ACTR3C: variants seen among roughly 807,000 people sequenced by gnomAD.
The protein encoded by ACTR3C is actin related protein 3C, also known as actin-related protein 3C.
In ACTR3C, 18 loss-of-function variants were observed where a neutral mutation model predicts 26.3. That is an observed-to-expected ratio of 0.68 (90% CI 0.47 to 1.01). The LOEUF (loss-of-function observed/expected upper bound fraction) is 1.01. Ranked by LOEUF, ACTR3C falls within the 50% of genes least tolerant of loss-of-function variation. ACTR3C has a pLI of 0.00. For synonymous variants in ACTR3C, 55 were observed against 94.5 expected (o/e 0.58, Z 2.42); for missense variants, 184 against 250.7 (o/e 0.73, Z 1.80).
the ACTR3C span, among the ~76,000 whole-genome samples, chr7:150,040,264 G>C: frequency 6.8e-6 from 1 of 147,592 alleles, no homozygotes. Flanking sequence ...TAGAGACGTA[G>C]GCTACCGGCC....
the ACTR3C span, among the ~76,000 whole-genome samples, chr7:149,958,261 C>T: frequency 2.6e-5 from 4 of 151,972 alleles, no homozygotes; most frequent in Non-Finnish European, 2.9e-5. Flanking sequence ...TATGACAGTA[C>T]CAGTTTCATG....
Position 150,295,332 on chromosome 7 carries a change from T to C in ACTR3C, c.-36A>G. Reference sequence around the variant, plus strand: ...AGATACTCTCTGTTTTCTGGTGTATTGAGTGGAGGTTCTGTCTGTAAGAAA... The same window carrying C: ...AGATACTCTCTGTTTTCTGGTGTATCGAGTGGAGGTTCTGTCTGTAAGAAA... On this transcript the variant is annotated 5_prime_UTR_variant, in exon 2 of 8. Coordinates refer to ENST00000683684, the MANE Select transcript of ACTR3C (RefSeq NM_001164458.2). 6.2e-7 allele frequency: 1 copy of C among 1,613,782 alleles called. No individual in the cohort carries two copies. The highest frequency in any genetic ancestry group is 8.5e-7 in the Non-Finnish European group (1 of 1,179,610).
the ACTR3C span, among the ~76,000 whole-genome samples, chr7:149,900,445 G>A: frequency 6.6e-6 from 1 of 151,876 alleles, no homozygotes; most frequent in Non-Finnish European, 1.5e-5. Context: ...AAAGTGCTGA[G>A]ATTACAGGCA....
chr7:150,153,007 C>T, the ACTR3C span, among the ~76,000 whole-genome samples: 2 of 152,104 alleles, frequency 1.3e-5, no homozygotes, highest in African/African-American at 2.4e-5. Flanking sequence ...TTTTTTATTG[C>T]ATCTATTTGA....
chr7:150,040,100 G>T, the ACTR3C span, among the ~76,000 whole-genome samples: 1,458 of 120,784 alleles, frequency 0.012, 88 homozygotes, highest in South Asian at 0.038. Context: ...AGCCAGGGGG[G>T]AAGAGGGGAT....
the ACTR3C span, among the ~76,000 whole-genome samples, chr7:149,913,833 A>C: frequency 2.3e-3 from 326 of 143,174 alleles, no homozygotes; most frequent in Non-Finnish European, 3.0e-3. Flanking sequence ...ATATATCTAT[A>C]ATACTGAAGT....
the ACTR3C span, among the ~76,000 whole-genome samples, chr7:150,215,155 G>A: frequency 7.9e-5 from 12 of 151,724 alleles, no homozygotes; most frequent in Admixed American, 7.9e-4. Context: ...GAAATAGAAG[G>A]TAAGAAGGCT....
the ACTR3C span, among the ~76,000 whole-genome samples, chr7:150,208,980 T>A: frequency 6.6e-6 from 1 of 152,074 alleles, no homozygotes; most frequent in South Asian, 2.1e-4. Context: ...AGGAAATGGA[T>A]ACTGTGCACA....
At chr7:149,904,811 T>G in the ACTR3C span, among the ~76,000 whole-genome samples, 1 of 151,634 alleles carries the variant, frequency 6.6e-6, no homozygotes, top group Non-Finnish European at 1.5e-5. Context: ...CTGGCCAACA[T>G]GGTGAAACCC....
downstream of ACTR3C, among the ~76,000 whole-genome samples, chr7:150,240,019 T>G (rs1031052868): frequency 6.6e-6 from 1 of 152,104 alleles, no homozygotes; most frequent in Non-Finnish European, 1.5e-5. Flanking sequence ...CCTCCCAAAG[T>G]GTTGGGATTA....
chr7:149,964,392 A>G, the ACTR3C span, among the ~76,000 whole-genome samples: 1 of 152,252 alleles, frequency 6.6e-6, no homozygotes, highest in Non-Finnish European at 1.5e-5. Flanking sequence ...CGAAATGAGG[A>G]CCTGAAGCAG....
At chr7:149,962,869 T>C in the ACTR3C span, among the ~76,000 whole-genome samples, 12 of 152,182 alleles carry the variant, frequency 7.9e-5, no homozygotes, top group Non-Finnish European at 1.3e-4. Flanking sequence ...AAACTGCCCA[T>C]AGTGGGAGGA....
At chr7:150,001,463 A>G in the ACTR3C span, 2 of 152,312 alleles carry the variant, frequency 1.3e-5, no homozygotes, top group Non-Finnish European at 2.9e-5. Context: ...TACATCCCCA[A>G]ATTTCTGCCA....
At chr7:150,064,649 TACACACACACAC>T in the ACTR3C span, among the ~76,000 whole-genome samples, 4 of 145,138 alleles carry the variant, frequency 2.8e-5, no homozygotes, top group East Asian at 4.1e-4. Flanking sequence ...TATTTTCACA[TACACACACACAC>T]ACACACACAC....
At chr7:150,174,441 C>T in the ACTR3C span, among the ~76,000 whole-genome samples, 1 of 140,960 alleles carries the variant, frequency 7.1e-6, no homozygotes, top group East Asian at 2.0e-4. Context: ...GGGTCCCTCC[C>T]ACAACACATG....
At chr7:149,995,877 A>C in the ACTR3C span, among the ~76,000 whole-genome samples, 15,744 of 138,158 alleles carry the variant, frequency 0.11, 1 homozygote, top group East Asian at 0.27. Context: ...CGAGGAAGGG[A>C]AGGCTTCACA....
chr7:150,155,143 A>C, the ACTR3C span, among the ~76,000 whole-genome samples: 7 of 152,282 alleles, frequency 4.6e-5, no homozygotes, highest in Middle Eastern at 6.8e-3. Context: ...GGAAAAGATG[A>C]AAGAGGAGAA....
chr7:150,086,479 G>A, the ACTR3C span, among the ~76,000 whole-genome samples: 177 of 152,106 alleles, frequency 1.2e-3, no homozygotes, highest in African/African-American at 4.1e-3. Context: ...CATCACTTCG[G>A]TAGAATTTAT....
chr7:150,264,300 T>C (rs541064965), intron 6 of ACTR3C, among the ~76,000 whole-genome samples: 1 of 152,360 alleles, frequency 6.6e-6, no homozygotes, highest in Non-Finnish European at 1.5e-5. Flanking sequence ...CGGTCAGCAC[T>C]GTGCATGGGC....
Sources: allele counts gnomAD v4.1 joint callset (sites outside exome capture counted in the v4.1 genomes callset), GRCh38; gene constraint gnomAD v4.1.1; transcripts MANE v1.5; gene names NCBI Gene and HGNC (gene_info 2026-07-23, HGNC 2026-07-21).